The following ERBB4 variants were observed in gnomAD, a reference collection of about 807,000 sequenced individuals.
The protein encoded by ERBB4 is erb-b2 receptor tyrosine kinase 4, also known as receptor tyrosine-protein kinase erbB-4.
In ERBB4, 42 loss-of-function variants were observed where a neutral mutation model predicts 158.0. That is an observed-to-expected ratio of 0.27 (90% CI 0.21 to 0.34). ERBB4 has a LOEUF of 0.34. ERBB4 is among the 10% of genes least tolerant of loss of function. The pLI, the probability that ERBB4 is intolerant of heterozygous loss-of-function variation, is 1.00. For missense variants in ERBB4, 1,333 were observed against 1,624.1 expected (o/e 0.82, Z 3.08); for synonymous variants, 583 against 558.7 (o/e 1.04, Z -0.61).
chr2:211,914,804 C>T (rs943165393), intron 3 of ERBB4, among the ~76,000 whole-genome samples: 1 of 151,958 alleles, frequency 6.6e-6, no homozygotes. Context: ...AAATGTTTCA[C>T]TCTTTTAAGT....
chr2:212,023,928 T>A (rs1011685007), intron 2 of ERBB4, among the ~76,000 whole-genome samples: 2 of 151,886 alleles, frequency 1.3e-5, no homozygotes, highest in Admixed American at 1.3e-4. Context: ...TATTGGCTTT[T>A]TTTTTTTAGG....
intron 5 of ERBB4, among the ~76,000 whole-genome samples, chr2:211,734,211 A>G (rs1051924685): frequency 2.6e-5 from 4 of 152,186 alleles, no homozygotes; most frequent in African/African-American, 9.6e-5. Flanking sequence ...CATTTTATTG[A>G]TGAGAAAATT....
chr2:212,070,252 T>A (rs888118524), intron 2 of ERBB4, among the ~76,000 whole-genome samples: 1 of 152,076 alleles, frequency 6.6e-6, no homozygotes, highest in Non-Finnish European at 1.5e-5. Flanking sequence ...TAAAGGCATA[T>A]GTTTTTTAAA....
chr2:211,440,176 T>C (rs1244736403), intron 20 of ERBB4, among the ~76,000 whole-genome samples: 3 of 152,154 alleles, frequency 2.0e-5, no homozygotes, highest in African/African-American at 7.2e-5. Context: ...CATGCTACAG[T>C]TTTTCTCCCA....
At chr2:211,491,523 T>A (rs1014083132) in intron 20 of ERBB4, among the ~76,000 whole-genome samples, 1 of 152,096 alleles carries the variant, frequency 6.6e-6, no homozygotes, top group Admixed American at 6.5e-5. Context: ...CAATTTATTA[T>A]GTTTTAGAAC....
At chr2:212,191,711 CATGTTACATATAACACGTGTTAT>C (rs2082226273) in intron 1 of ERBB4, among the ~76,000 whole-genome samples, 1 of 147,478 alleles carries the variant, frequency 6.8e-6, no homozygotes, top group Non-Finnish European at 1.5e-5. Flanking sequence ...ACGTGTTATA[CATGTTACATATAACACGTGTTAT>C]ACATGTTACA....
chr2:212,524,913 T>C (rs1692365647), intron 1 of ERBB4, among the ~76,000 whole-genome samples: 2 of 152,172 alleles, frequency 1.3e-5, no homozygotes, highest in East Asian at 1.9e-4. Flanking sequence ...GAATGGATCA[T>C]AGCATATGCC....
At chr2:212,130,509 T>C (rs1037303006) in intron 1 of ERBB4, among the ~76,000 whole-genome samples, 2 of 152,124 alleles carry the variant, frequency 1.3e-5, no homozygotes, top group Non-Finnish European at 2.9e-5. Flanking sequence ...TGGGGAAATA[T>C]ATTAAAAGTA....
At chr2:211,398,859 C>T (rs1045168832) in intron 25 of ERBB4, among the ~76,000 whole-genome samples, 7 of 152,192 alleles carry the variant, frequency 4.6e-5, no homozygotes, top group Non-Finnish European at 1.5e-5. Context: ...AACTGCAAGA[C>T]CTACTGTTGC....
chr2:211,725,038 G>A lies in ERBB4; in HGVS notation c.741+38C>T, dbSNP rs771268504. 3 of 1,356,522 alleles carry A rather than the reference G, an allele frequency of 2.2e-6. 1 individual carries two copies. Among genetic ancestry groups the A allele is most frequent in the Middle Eastern group, 3.6e-4 (2 of 5,584 alleles). The allele number at this position is 1,356,522 out of a possible 1,614,324, so 84.0% of individuals were successfully genotyped here. ...GCCTGAATCAAATAGGGAAGGAAAG[G>A]AGAGCAGGATAATAAAAGAGAGAAA... On this transcript the variant is annotated intron_variant, in intron 6 of 27. Coordinates refer to ENST00000342788, the MANE Select transcript of ERBB4 (RefSeq NM_005235.3).
intron 1 of ERBB4, among the ~76,000 whole-genome samples, chr2:212,426,571 T>C (rs1250798833): frequency 1.3e-5 from 2 of 152,106 alleles, no homozygotes; most frequent in Admixed American, 6.6e-5. Flanking sequence ...AATATATTTA[T>C]TGTGAATATG....
intron 4 of ERBB4, among the ~76,000 whole-genome samples, chr2:211,785,134 A>G (rs957823956): frequency 1.4e-5 from 2 of 140,084 alleles, no homozygotes; most frequent in African/African-American, 5.3e-5. Flanking sequence ...ACGGAGTCTC[A>G]CTCTGTCCCC....
At chr2:212,147,564 C>T (rs573642406) in intron 1 of ERBB4, among the ~76,000 whole-genome samples, 1 of 152,140 alleles carries the variant, frequency 6.6e-6, no homozygotes, top group East Asian at 1.9e-4. Context: ...ATGAAGCACT[C>T]ACAAACTACT....
intron 3 of ERBB4, among the ~76,000 whole-genome samples, chr2:211,845,192 G>A (rs906754593): frequency 6.6e-6 from 1 of 151,942 alleles, no homozygotes; most frequent in Non-Finnish European, 1.5e-5. Flanking sequence ...CATGAATACT[G>A]AGCAATTGTC....
intron 9 of ERBB4, 124 bp from the exon 10 acceptor site, chr2:211,705,515 G>T: frequency 1.4e-6 from 1 of 714,488 alleles, no homozygotes; most frequent in South Asian, 1.6e-5. Context: ...ATCAATGCAT[G>T]TTTAAATTAA....
chr2:211,648,380 T>C (rs777229417), intron 16 of ERBB4, among the ~76,000 whole-genome samples: 1 of 149,514 alleles, frequency 6.7e-6, no homozygotes, highest in Non-Finnish European at 1.5e-5. Context: ...TGTAAATGCA[T>C]GTAAATAATA....
chr2:212,100,068 T>C (rs1050029976), intron 2 of ERBB4, among the ~76,000 whole-genome samples: 18 of 151,956 alleles, frequency 1.2e-4, no homozygotes, highest in Admixed American at 1.0e-3. Flanking sequence ...CAAAAGATTG[T>C]ACATCAATGG....
chr2:212,237,243 C>T (rs2083913858), intron 1 of ERBB4, among the ~76,000 whole-genome samples: 2 of 152,200 alleles, frequency 1.3e-5, no homozygotes, highest in South Asian at 4.2e-4. Context: ...ATGTTGGTGA[C>T]CTTTGGATGG....
chr2:211,780,741 C>G (rs1038168996), intron 4 of ERBB4, among the ~76,000 whole-genome samples: 2 of 152,108 alleles, frequency 1.3e-5, no homozygotes, highest in Non-Finnish European at 2.9e-5. Flanking sequence ...AAAATTGCAT[C>G]TGAATTCATA....
Sources: allele counts gnomAD v4.1 joint callset (sites outside exome capture counted in the v4.1 genomes callset), GRCh38; gene constraint gnomAD v4.1.1; transcripts MANE v1.5; gene names NCBI Gene and HGNC (gene_info 2026-07-23, HGNC 2026-07-21).